The following EIF3E variants were observed in gnomAD, a reference collection of about 807,000 sequenced individuals.
EIF3E encodes eIF-3 p48.
EIF3E carries 25 observed loss-of-function variants against 59.3 expected under a neutral mutation model. That is an observed-to-expected ratio of 0.42 (90% CI 0.31 to 0.59). The LOEUF (loss-of-function observed/expected upper bound fraction) is 0.59, where lower values mean the gene tolerates loss of function less well. Among genes scored for constraint, EIF3E ranks in the 20% least tolerant of loss-of-function variants. EIF3E has a pLI of 0.15. For synonymous variants in EIF3E, 176 were observed against 170.2 expected (o/e 1.03, Z -0.26); for missense variants, 317 against 534.3 (o/e 0.59, Z 4.01).
intron 12 of EIF3E, 92 bp from the exon 13 acceptor site, chr8:108,202,015 G>A (rs942427001): frequency 3.3e-6 from 4 of 1,205,284 alleles, no homozygotes; most frequent in Non-Finnish European, 4.6e-6. Flanking sequence ...ATTTACTTCA[G>A]CACTATAGTC....
At chr8:108,227,014 A>G (rs920561376) in intron 7 of EIF3E, among the ~76,000 whole-genome samples, 2 of 152,244 alleles carry the variant, frequency 1.3e-5, no homozygotes, top group African/African-American at 2.4e-5. Flanking sequence ...AACAAATAGT[A>G]AAAGTATGAA....
At chr8:108,245,799 CAT>C (rs1706469689) in intron 1 of EIF3E, among the ~76,000 whole-genome samples, 1 of 152,190 alleles carries the variant, frequency 6.6e-6, no homozygotes, top group South Asian at 2.1e-4. Flanking sequence ...ATGCCAGACT[CAT>C]ATTATGTGCT....
At chr8:108,240,604 T>C (rs1261017933) in intron 2 of EIF3E, among the ~76,000 whole-genome samples, 1 of 152,224 alleles carries the variant, frequency 6.6e-6, no homozygotes, top group Non-Finnish European at 1.5e-5. Context: ...AACCAAATTC[T>C]ATCGTTCCTT....
chr8:108,224,301 C>A (rs1815478883), intron 7 of EIF3E, among the ~76,000 whole-genome samples: 1 of 151,444 alleles, frequency 6.6e-6, no homozygotes, highest in Non-Finnish European at 1.5e-5. Context: ...ATGCAATCAA[C>A]CAACTACCTA....
intron 10 of EIF3E, among the ~76,000 whole-genome samples, chr8:108,214,323 G>C (rs551758213): frequency 5.9e-5 from 9 of 152,078 alleles, no homozygotes; most frequent in Non-Finnish European, 5.9e-5. Flanking sequence ...TTCTCCTTAC[G>C]TAAAGGTACA....
At position 108,216,407 on chromosome 8, in the gene EIF3E, C is replaced by T. The variant is rs1815306839; in HGVS notation, c.951+5G>A. 6.3e-7 allele frequency: 1 copy of T among 1,596,420 alleles called. No individual in the cohort carries two copies. Among genetic ancestry groups the T allele is most frequent in the South Asian group, 1.1e-5 (1 of 87,408 alleles). Reference sequence around the variant, plus strand: ...ATTAGTTTATAAATAAAAATTCACACTTACTGATTCACATTCCCTCAGCTT... The same window carrying T: ...ATTAGTTTATAAATAAAAATTCACATTTACTGATTCACATTCCCTCAGCTT... On this transcript the variant is annotated splice_donor_5th_base_variant and intron_variant, in intron 9 of 12. Transcript: ENST00000220849.
chr8:108,224,231 A>T (rs1815477518), intron 7 of EIF3E, among the ~76,000 whole-genome samples: 1 of 151,520 alleles, frequency 6.6e-6, no homozygotes, highest in Admixed American at 6.6e-5. Context: ...CAAAAAAAAT[A>T]AAAATAAAAT....
At chr8:108,228,967 A>AT (rs375572478) in intron 6 of EIF3E, 103 bp downstream of exon 6, 11,309 of 1,037,190 alleles carry the variant, frequency 0.011, 3 homozygotes, top group African/African-American at 0.015. Flanking sequence ...GCTAATATGA[A>AT]TTTTTTTTTT....
intron 1 of EIF3E, 94 bp downstream of exon 1, chr8:108,248,517 GCA>G: frequency 8.1e-7 from 1 of 1,229,672 alleles, no homozygotes; most frequent in Middle Eastern, 1.9e-4. Context: ...CGACCGCCTC[GCA>G]CGTGTCAGGC....
intron 10 of EIF3E, among the ~76,000 whole-genome samples, chr8:108,211,577 T>C (rs1037040129): frequency 6.6e-6 from 1 of 152,218 alleles, no homozygotes; most frequent in East Asian, 1.9e-4. Context: ...TCTTTTGTCT[T>C]TCTAACCCAC....
At chr8:108,219,080 C>G (rs1322219246) in intron 7 of EIF3E, among the ~76,000 whole-genome samples, 1 of 152,124 alleles carries the variant, frequency 6.6e-6, no homozygotes, top group Non-Finnish European at 1.5e-5. Flanking sequence ...CCACTCCACT[C>G]AGACAAAGTA....
chr8:108,224,735 T>C (rs191156247), intron 7 of EIF3E, among the ~76,000 whole-genome samples: 1 of 151,602 alleles, frequency 6.6e-6, no homozygotes, highest in East Asian at 1.9e-4. Context: ...GCAATAAAAA[T>C]GTTCTAAAAC....
At chr8:108,232,899 A>G (rs964855221) in intron 5 of EIF3E, among the ~76,000 whole-genome samples, 2 of 152,208 alleles carry the variant, frequency 1.3e-5, no homozygotes, top group South Asian at 2.1e-4. Context: ...GAACTCTAAC[A>G]TGACACTAAA....
intron 12 of EIF3E, among the ~76,000 whole-genome samples, chr8:108,202,131 C>A (rs1456872093): frequency 6.6e-6 from 1 of 151,642 alleles, no homozygotes; most frequent in Admixed American, 6.6e-5. Flanking sequence ...TAGCTTTTGG[C>A]CAATTAAAAT....
At chr8:108,239,363 T>C (rs1470747155) in intron 3 of EIF3E, among the ~76,000 whole-genome samples, 1 of 152,094 alleles carries the variant, frequency 6.6e-6, no homozygotes, top group African/African-American at 2.4e-5. Flanking sequence ...GCTAACTTTT[T>C]ATTGGTTTTA....
chr8:108,223,692 T>C (rs925537413), intron 7 of EIF3E, among the ~76,000 whole-genome samples: 5 of 152,206 alleles, frequency 3.3e-5, no homozygotes, highest in Admixed American at 6.5e-5. Flanking sequence ...TCATCTCCGA[T>C]AGCCTACGAA....
rs1477774658 is a variant in EIF3E, at chr8:108,201,545, A to G, written c.*340T>C. The G allele has an allele frequency of 1.2e-5, 2 of 163,668 alleles. No homozygotes were observed. Among genetic ancestry groups the G allele is most frequent in the Non-Finnish European group, 2.6e-5 (2 of 75,792 alleles). 10.1% of individuals were successfully genotyped at this position (163,668 alleles called of 1,614,324 possible). A position where few individuals can be genotyped will look rare whatever the true frequency, so the allele number is the denominator to read the frequency against. On this transcript the variant is annotated 3_prime_UTR_variant, in exon 13 of 13. Transcript: ENST00000220849. ...GATAAAATGGTAGGGAGCTATTTGT[A>G]CACACATTGTACCAATGTCAACATC...
At chr8:108,228,513 G>T in intron 6 of EIF3E, 122 bp from the exon 7 acceptor site, 1 of 718,484 alleles carries the variant, frequency 1.4e-6, no homozygotes, top group Non-Finnish European at 2.0e-6. Context: ...ATGCACGGAG[G>T]TCATTATGAT....
intron 10 of EIF3E, among the ~76,000 whole-genome samples, chr8:108,209,441 A>G (rs1815165406): frequency 6.6e-6 from 1 of 152,148 alleles, no homozygotes; most frequent in South Asian, 2.1e-4. Context: ...TATTTTTAAT[A>G]ATGTGTAACT....
Sources: gnomAD v4.1 joint callset for allele counts (sites outside exome capture counted in the v4.1 genomes callset) on GRCh38, gnomAD v4.1.1 for gene constraint, MANE v1.5 for transcripts, NCBI Gene and HGNC (gene_info 2026-07-23, HGNC 2026-07-21) for gene names.